Variants in WTAP observed in about 807,000 individuals in gnomAD.
The protein encoded by WTAP is WT1 associated protein, also known as pre-mRNA-splicing regulator WTAP.
A neutral mutation model predicts 50.0 loss-of-function variants in WTAP; 8 were observed. The observed-to-expected ratio is 0.16, with a 90% confidence interval of 0.09 to 0.29. The LOEUF (loss-of-function observed/expected upper bound fraction) is 0.29. Among genes scored for constraint, WTAP ranks in the 10% least tolerant of loss-of-function variants. WTAP has a pLI of 1.00. For synonymous variants in WTAP, 194 were observed against 169.0 expected (o/e 1.15, Z -1.15); for missense variants, 295 against 470.7 (o/e 0.63, Z 3.45).
chr6:159,726,757 A>T (rs955240175), upstream of WTAP: 1 of 1,286,542 alleles, frequency 7.8e-7, no homozygotes, highest in Non-Finnish European at 1.0e-6. Flanking sequence ...ATGCGTCTCC[A>T]GAGATGTCAA....
chr6:159,744,527 C>A (rs941301556), intron 5 of WTAP, among the ~76,000 whole-genome samples: 1 of 58,764 alleles, frequency 1.7e-5, no homozygotes, highest in African/African-American at 5.5e-5. Context: ...GGGCACAGTC[C>A]TGTTCTGTTT....
intron 4 of WTAP, among the ~76,000 whole-genome samples, chr6:159,742,813 T>A (rs1013386468): frequency 1.3e-5 from 2 of 151,802 alleles, no homozygotes; most frequent in South Asian, 2.1e-4. Context: ...CCCAGCACTT[T>A]GGGAGGCCAA....
intron 1 of WTAP, among the ~76,000 whole-genome samples, chr6:159,734,940 A>C (rs1046524528): frequency 1.3e-5 from 2 of 152,014 alleles, no homozygotes; most frequent in Non-Finnish European, 2.9e-5. Context: ...TAGTTTAATG[A>C]ATAATACCTG....
chr6:159,727,144 C>T (rs899675464), upstream of WTAP: 7 of 1,195,376 alleles, frequency 5.9e-6, no homozygotes, highest in Non-Finnish European at 6.4e-6. Context: ...TTGCTGAGCT[C>T]CGGGGCCCGC....
At chr6:159,732,889 G>A (rs1341461829) in intron 1 of WTAP, among the ~76,000 whole-genome samples, 1 of 41,054 alleles carries the variant, frequency 2.4e-5, no homozygotes, top group African/African-American at 5.4e-5. Flanking sequence ...TATATATAGT[G>A]TGTGTGTGTG....
intron 2 of WTAP, among the ~76,000 whole-genome samples, chr6:159,738,048 A>G (rs1469626436): frequency 6.6e-6 from 1 of 152,222 alleles, no homozygotes; most frequent in Non-Finnish European, 1.5e-5. Context: ...AAATCAGGGA[A>G]TTGACATTGG....
intron 2 of WTAP, among the ~76,000 whole-genome samples, chr6:159,738,751 A>T (rs932572687): frequency 6.6e-6 from 1 of 152,084 alleles, no homozygotes; most frequent in Non-Finnish European, 1.5e-5. Flanking sequence ...CATTCTAATC[A>T]GTGTGTGGTG....
At chr6:159,736,333 G>T in intron 2 of WTAP, 38 bp downstream of exon 2, 2 of 1,496,456 alleles carry the variant, frequency 1.3e-6, no homozygotes, top group Non-Finnish European at 1.8e-6. Flanking sequence ...GTTTTGTTTT[G>T]GGTTTTTTGG....
intron 1 of WTAP, 145 bp from the exon 2 acceptor site, chr6:159,736,113 A>C (rs185595587): frequency 5.7e-4 from 485 of 857,054 alleles, no homozygotes; most frequent in Middle Eastern, 7.0e-4. Flanking sequence ...ATCTAAAACT[A>C]TTTTAAAATT....
At chr6:159,734,585 A>T (rs1384244241) in intron 1 of WTAP, among the ~76,000 whole-genome samples, 2 of 152,176 alleles carry the variant, frequency 1.3e-5, no homozygotes, top group African/African-American at 4.8e-5. Context: ...CTGAGATGAG[A>T]GTATGACTTG....
At chr6:159,736,870 A>G (rs925350671) in intron 2 of WTAP, among the ~76,000 whole-genome samples, 4 of 152,188 alleles carry the variant, frequency 2.6e-5, no homozygotes, top group Non-Finnish European at 5.9e-5. Flanking sequence ...AAGAGGTAAC[A>G]TCGTCTCTAG....
chr6:159,738,871 A>T, intron 2 of WTAP, 119 bp from the exon 3 acceptor site: 1 of 642,890 alleles, frequency 1.6e-6, no homozygotes, highest in Non-Finnish European at 2.5e-6. Flanking sequence ...TTTTTCAAAA[A>T]ATCATAATAT....
upstream of WTAP, chr6:159,727,011 A>G: frequency 8.0e-7 from 1 of 1,248,750 alleles, no homozygotes; most frequent in Non-Finnish European, 1.0e-6. Flanking sequence ...CCTCCGCACG[A>G]GGCAGCCCCG....
chr6:159,739,039 T>A lies in WTAP; in HGVS notation c.80T>A (p.Ile27Asn). 6.2e-7 allele frequency: 1 copy of A among 1,610,858 alleles called. No homozygotes were observed. Among genetic ancestry groups the A allele is most frequent in the Non-Finnish European group, 8.5e-7 (1 of 1,178,090 alleles). Residue 27 changes from isoleucine (I) to asparagine (N), a missense_variant, in exon 3 of 8, where the codon ATT becomes AAT. Physicochemically the swap from Ile to Asn is moderately radical, Grantham distance 149. This residue lies in a region of WTAP where 120 missense variants were observed against 287.6 expected (regional missense o/e 0.42). Coordinates refer to ENST00000621533, the MANE Select transcript of WTAP (RefSeq NM_001270531.2). ...AAAGTTATGGCAAGAGATGAGTTAA[T>A]TCTAAGGTAAAATGTTCTCTGTTCA... ...DFKVMARDEL[I>N]LRWKQYEAYV...
chr6:159,744,172 C>T (rs1196288191), intron 5 of WTAP, among the ~76,000 whole-genome samples: 2 of 152,136 alleles, frequency 1.3e-5, no homozygotes, highest in African/African-American at 4.8e-5. Context: ...CTCTTGTCCC[C>T]TCTGTGTATA....
At chr6:159,727,157 A>T (rs1778219295), upstream of WTAP, 7 of 1,193,144 alleles carry the variant, frequency 5.9e-6, no homozygotes, top group Admixed American at 2.1e-4. Flanking sequence ...GGGCCCGCGG[A>T]GCTCGCGCCA....
chr6:159,726,919 C>G, upstream of WTAP: 5 of 1,288,888 alleles, frequency 3.9e-6, no homozygotes, highest in South Asian at 1.2e-5. Flanking sequence ...GAGGTGGCAC[C>G]TGGTCCTCCG....
At chr6:159,732,464 A>G (rs1428326927) in intron 1 of WTAP, among the ~76,000 whole-genome samples, 59 of 152,246 alleles carry the variant, frequency 3.9e-4, no homozygotes, top group East Asian at 1.9e-4. Context: ...TCGTATATAC[A>G]TAGATACAGA....
upstream of WTAP, chr6:159,727,123 C>CCTTACTGAG (rs1778215898): frequency 1.1e-5 from 13 of 1,195,392 alleles, no homozygotes; most frequent in South Asian, 1.4e-4. Context: ...CGGCCGCTTC[C>CCTTACTGAG]CTTACTGAGC....
Sources: gnomAD v4.1 joint callset for allele counts (sites outside exome capture counted in the v4.1 genomes callset) on GRCh38, gnomAD v4.1.1 for gene constraint, gnomAD v4.1.1 regional missense constraint, MANE v1.5 for transcripts, NCBI Gene and HGNC (gene_info 2026-07-23, HGNC 2026-07-21) for gene names.